Variants in CNTNAP2 observed in about 807,000 individuals in gnomAD.
The protein encoded by CNTNAP2 is contactin-associated protein-like 2.
Under a neutral mutation model 155.2 loss-of-function variants are expected in CNTNAP2, and 98 were observed. The ratio of observed to expected loss-of-function variants is 0.63; its 90% confidence interval spans 0.54 to 0.75. CNTNAP2 has a LOEUF of 0.75. Among genes scored for constraint, CNTNAP2 ranks in the 30% least tolerant of loss-of-function variants. The pLI, the probability that CNTNAP2 is intolerant of heterozygous loss-of-function variation, is 0.00. For synonymous variants in CNTNAP2, 651 were observed against 631.2 expected (o/e 1.03, Z -0.47); for missense variants, 1,727 against 1,688.1 (o/e 1.02, Z -0.40).
intron 1 of CNTNAP2, among the ~76,000 whole-genome samples, chr7:146,734,727 A>G (rs1801582501): frequency 6.6e-6 from 1 of 152,226 alleles, no homozygotes; most frequent in South Asian, 2.1e-4. Flanking sequence ...TTGTACTTGA[A>G]CAAATGAATT....
chr7:148,156,678 C>T (rs951993899), intron 17 of CNTNAP2, among the ~76,000 whole-genome samples: 3 of 152,142 alleles, frequency 2.0e-5, no homozygotes, highest in Non-Finnish European at 2.9e-5. Flanking sequence ...CTTTGTGTTT[C>T]AACTTAGATA....
At chr7:147,733,941 T>A (rs1185872127) in intron 13 of CNTNAP2, among the ~76,000 whole-genome samples, 1 of 152,198 alleles carries the variant, frequency 6.6e-6, no homozygotes, top group African/African-American at 2.4e-5. Flanking sequence ...TTTCTAGATA[T>A]ACAATCATTT....
intron 12 of CNTNAP2, among the ~76,000 whole-genome samples, chr7:147,634,655 A>T (rs999029947): frequency 1.3e-5 from 2 of 152,194 alleles, no homozygotes; most frequent in African/African-American, 2.4e-5. Flanking sequence ...CGCTGTAAAA[A>T]TTTTTAATTA....
intron 8 of CNTNAP2, among the ~76,000 whole-genome samples, chr7:147,252,024 C>G (rs1439092268): frequency 6.6e-6 from 1 of 151,872 alleles, no homozygotes; most frequent in African/African-American, 2.4e-5. Flanking sequence ...CTGTATTCAA[C>G]TGGGAAATAT....
At chr7:147,304,827 A>G (rs73742533) in intron 9 of CNTNAP2, among the ~76,000 whole-genome samples, 3,345 of 152,324 alleles carry the variant, frequency 0.022, 115 homozygotes, top group African/African-American at 0.074. Flanking sequence ...AACAACATAA[A>G]TATGTTTTTC....
chr7:147,804,094 A>C (rs947760823), intron 13 of CNTNAP2, among the ~76,000 whole-genome samples: 4 of 152,216 alleles, frequency 2.6e-5, no homozygotes, highest in Non-Finnish European at 5.9e-5. Context: ...TTTTAGATGA[A>C]TTATGATCTA....
chr7:146,885,163 A>G (rs996470783), intron 3 of CNTNAP2, among the ~76,000 whole-genome samples: 2 of 152,204 alleles, frequency 1.3e-5, no homozygotes, highest in African/African-American at 4.8e-5. Flanking sequence ...ACATAGAAAC[A>G]ATGTAAATAA....
intron 14 of CNTNAP2, among the ~76,000 whole-genome samples, chr7:147,977,202 G>T (rs920294132): frequency 1.3e-5 from 2 of 152,084 alleles, no homozygotes; most frequent in African/African-American, 2.4e-5. Flanking sequence ...ATGGATACAG[G>T]GTAGACTTGG....
rs910344350 is a variant in CNTNAP2, at chr7:146,490,487, A to C, written c.98-283784A>C. 2.0e-5 allele frequency among the ~76,000 whole-genome samples: 3 copies of C among 152,232 alleles called. No individual in the cohort carries two copies. The South Asian group carries it at 6.2e-4, about 31-fold the overall frequency. Reference sequence around the variant, plus strand: ...GTCTAAACATGTTTTCCCGCGACATAACTTTTGAGTAAAGGCTGATAAATG... The same window carrying C: ...GTCTAAACATGTTTTCCCGCGACATCACTTTTGAGTAAAGGCTGATAAATG... On this transcript the variant is annotated intron_variant, in intron 1 of 23. Transcript: ENST00000361727.
At chr7:147,567,768 C>CT (rs1424993428) in intron 12 of CNTNAP2, among the ~76,000 whole-genome samples, 7 of 152,110 alleles carry the variant, frequency 4.6e-5, no homozygotes, top group Non-Finnish European at 8.8e-5. Context: ...CGCAAAGTCA[C>CT]TGTAGGACCT....
intron 3 of CNTNAP2, among the ~76,000 whole-genome samples, chr7:147,040,921 T>C (rs1189780690): frequency 2.0e-5 from 3 of 152,198 alleles, no homozygotes; most frequent in Non-Finnish European, 4.4e-5. Flanking sequence ...TGGAATAGGT[T>C]GATTATATCT....
Position 147,829,886 on chromosome 7 carries a change from G to C in CNTNAP2, c.2099-73679G>C, listed in dbSNP as rs564977243. On this transcript the variant is annotated intron_variant, in intron 13 of 23. Coordinates refer to ENST00000361727, the MANE Select transcript of CNTNAP2 (RefSeq NM_014141.6). ...GCCACATGGTCCCCAGTAAAGCAGA[G>C]GTCACAGGTGTCACATACAGGCTCT... Among the ~76,000 whole-genome samples, 18 of 152,124 alleles carry C rather than the reference G, an allele frequency of 1.2e-4. No individual in the cohort carries two copies. In the South Asian group the frequency reaches 3.7e-3, roughly 32 times the overall value.
chr7:146,399,021 A>AT (rs11396618), intron 1 of CNTNAP2, among the ~76,000 whole-genome samples: 23,808 of 151,892 alleles, frequency 0.16, 3,059 homozygotes, highest in African/African-American at 0.35. Context: ...TTGCTGAGTT[A>AT]TTTTTTATAA....
chr7:146,171,123 T>G (rs1050800145), intron 1 of CNTNAP2, among the ~76,000 whole-genome samples: 1 of 152,200 alleles, frequency 6.6e-6, no homozygotes, highest in African/African-American at 2.4e-5. Context: ...GTGTTTGTTT[T>G]TTCATTATAT....
At chr7:147,425,948 A>G (rs1410568179) in intron 10 of CNTNAP2, among the ~76,000 whole-genome samples, 13 of 152,180 alleles carry the variant, frequency 8.5e-5, no homozygotes, top group Admixed American at 5.2e-4. Flanking sequence ...ATGCTAATCT[A>G]TAAATTCATT....
At chr7:147,271,203 T>C (rs10279700) in intron 8 of CNTNAP2, among the ~76,000 whole-genome samples, 25,710 of 152,164 alleles carry the variant, frequency 0.17, 3,436 homozygotes, top group East Asian at 0.76. Context: ...GCTAAGTAAG[T>C]TGATATTCCT....
chr7:147,021,912 T>G (rs537917799), intron 3 of CNTNAP2, among the ~76,000 whole-genome samples: 1 of 152,314 alleles, frequency 6.6e-6, no homozygotes, highest in South Asian at 2.1e-4. Flanking sequence ...AGGACACTCA[T>G]GTACTTGACA....
intron 13 of CNTNAP2, among the ~76,000 whole-genome samples, chr7:147,784,146 A>G (rs1159061525): frequency 3.3e-5 from 5 of 151,854 alleles, no homozygotes; most frequent in Non-Finnish European, 5.9e-5. Flanking sequence ...TTATAAGGAC[A>G]GCAGCCATAT....
Position 147,395,715 on chromosome 7 carries a change from A to C in CNTNAP2, c.1605A>C (p.Glu535Asp), listed in dbSNP as rs764327170. 2 of 1,612,542 alleles carry C rather than the reference A, an allele frequency of 1.2e-6. No individual in the cohort carries two copies. The highest frequency in any genetic ancestry group is 2.2e-5 in the South Asian group (2 of 91,060). ...QVDDQLVNLY[E>D]VAQRKPGSFA... Reference sequence around the variant, plus strand: ...ACGATCAACTTGTAAATTTATACGAAGTGGCACAAAGGAAGCCGGGAAGTT... The same window carrying C: ...ACGATCAACTTGTAAATTTATACGACGTGGCACAAAGGAAGCCGGGAAGTT... Residue 535 changes from glutamate (E) to aspartate (D), a missense_variant, in exon 10 of 24, where the codon GAA (glutamate) becomes GAC (aspartate). Coordinates refer to ENST00000361727, the MANE Select transcript of CNTNAP2 (RefSeq NM_014141.6).
Sources: gnomAD v4.1 joint callset for allele counts (sites outside exome capture counted in the v4.1 genomes callset) on GRCh38, gnomAD v4.1.1 for gene constraint, MANE v1.5 for transcripts, NCBI Gene and HGNC (gene_info 2026-07-23, HGNC 2026-07-21) for gene names.